Variants in GPC1 observed in about 807,000 individuals in gnomAD.
The protein encoded by GPC1 is glypican 1, also known as glypican-1.
Under a neutral mutation model 51.5 loss-of-function variants are expected in GPC1, and 26 were observed. The ratio of observed to expected loss-of-function variants is 0.50; its 90% CI spans 0.37 to 0.70. The LOEUF (loss-of-function observed/expected upper bound fraction) is 0.70, where lower values mean the gene tolerates loss of function less well. GPC1 is among the 30% of genes least tolerant of loss of function. GPC1 has a pLI of 0.00. For missense variants in GPC1, 775 were observed against 800.5 expected (o/e 0.97, Z 0.38); for synonymous variants, 380 against 348.3 (o/e 1.09, Z -1.01).
chr2:240,450,770 G>T, intron 1 of GPC1: 1 of 470,346 alleles, frequency 2.1e-6, no homozygotes, highest in South Asian at 1.6e-5. Flanking sequence ...ACATCATTTA[G>T]ACGTGTGCCT....
At chr2:240,462,727 C>G (rs1291840599) in intron 3 of GPC1, 145 bp downstream of exon 3, 3 of 680,442 alleles carry the variant, frequency 4.4e-6, no homozygotes, top group African/African-American at 3.6e-5. Context: ...TCAGTCCCTC[C>G]TGCATTGGCT....
intron 1 of GPC1, chr2:240,454,748 C>T (rs2074140669): frequency 6.5e-6 from 1 of 154,300 alleles, no homozygotes; most frequent in Admixed American, 6.5e-5. Context: ...CAGTCTGCAC[C>T]TCCTGTGTGA....
chr2:240,459,631 A>C (rs142350822), intron 2 of GPC1, among the ~76,000 whole-genome samples: 6 of 152,254 alleles, frequency 3.9e-5, no homozygotes, highest in Non-Finnish European at 5.9e-5. Flanking sequence ...GGGGCTGGGG[A>C]CAGGGCTGCA....
At chr2:240,460,211 C>T (rs2074204834) in intron 2 of GPC1, among the ~76,000 whole-genome samples, 1 of 152,088 alleles carries the variant, frequency 6.6e-6, no homozygotes, top group South Asian at 2.1e-4. Flanking sequence ...TCAGAAGCTC[C>T]CTCTCTGTGA....
intron 1 of GPC1, among the ~76,000 whole-genome samples, chr2:240,440,296 C>T (rs1351172085): frequency 6.6e-6 from 1 of 152,208 alleles, no homozygotes; most frequent in Non-Finnish European, 1.5e-5. Context: ...GTCTGGTTAA[C>T]ACATCAGACG....
intron 4 of GPC1, 110 bp from the exon 5 acceptor site, chr2:240,464,506 T>G: frequency 2.8e-6 from 4 of 1,403,824 alleles, no homozygotes; most frequent in Non-Finnish European, 4.0e-6. Flanking sequence ...TGCTGACCCG[T>G]GCTGTCAAGA....
In GPC1 at chr2:240,466,217, C is replaced by T. The variant is rs751446559; in HGVS notation, c.1604C>T (p.Pro535Leu). The T allele has an allele frequency of 2.9e-5, 46 of 1,612,854 alleles. No individual in the cohort carries two copies. Among genetic ancestry groups the T allele is most frequent in the Non-Finnish European group, 3.7e-5 (44 of 1,179,422 alleles). The change falls in exon 9 of 9, where the codon CCC becomes CTC. Residue 535 changes from proline to leucine, a missense_variant. Transcript: ENST00000264039. ...CAGAAGACCTCGGCTGCCAGCTGCC[C>T]CCAGCCCCCGACCTTCCTCCTGCCC... ...EGQKTSAASC[P>L]QPPTFLLPLL...
chr2:240,463,374 G>A lies in GPC1; in HGVS notation c.745G>A (p.Ala249Thr). 2 of 1,612,862 alleles carry A rather than the reference G, an allele frequency of 1.2e-6. No individual in the cohort carries two copies. Among genetic ancestry groups the A allele is most frequent in the South Asian group, 2.2e-5 (2 of 91,084 alleles). Reference protein sequence around the residue: ...QVPLGPECSRAVMKLVYCAHC... With the variant: ...QVPLGPECSRTVMKLVYCAHC... ...CCCCCTGGGCCCGGAGTGCTCGAGA[G>A]CTGTCATGAAGCTGGTCTACTGTGC... The change falls in exon 4 of 9, where the codon GCT becomes ACT. Residue 249 changes from alanine (A) to threonine (T), a missense_variant. By Grantham distance (58) the Ala-to-Thr change is moderately conservative. Transcript: ENST00000264039.
chr2:240,461,215 C>T (rs1559201771), intron 2 of GPC1, among the ~76,000 whole-genome samples: 1 of 152,228 alleles, frequency 6.6e-6, no homozygotes, highest in African/African-American at 2.4e-5. Flanking sequence ...TGGGAGCTCT[C>T]TGTAGCCCTG....
In GPC1 at chr2:240,436,064, T is replaced by C; in HGVS notation, c.146T>C (p.Val49Ala). The C allele has an allele frequency of 7.6e-7, 1 of 1,323,610 alleles. No homozygotes were observed. The highest frequency in any genetic ancestry group is 9.7e-7 in the Non-Finnish European group (1 of 1,034,798). The allele number at this position is 1,323,610 out of a possible 1,614,324, so 82.0% of individuals were successfully genotyped here. Reference sequence around the variant, plus strand: ...GCCAAGGGCTTCAGCCTGAGCGACGTGCCCCAGGCGGAGATCTCGGGTGAG... The same window carrying C: ...GCCAAGGGCTTCAGCCTGAGCGACGCGCCCCAGGCGGAGATCTCGGGTGAG... ...YGAKGFSLSDVPQAEISGEHL... is the reference protein window; with the variant it reads ...YGAKGFSLSDAPQAEISGEHL... Residue 49 changes from valine to alanine, a missense_variant, in exon 1 of 9, where the codon GTG (valine) becomes GCG (alanine). Val to Ala is a moderately conservative substitution (Grantham distance 64). Transcript: ENST00000264039.
At chr2:240,452,942 C>A in intron 1 of GPC1, 1 of 321,924 alleles carries the variant, frequency 3.1e-6, no homozygotes, top group South Asian at 2.2e-5. Context: ...CGGCCCCGCT[C>A]CGCCGCCTTT....
chr2:240,449,672 A>C (rs2074079346), intron 1 of GPC1: 1 of 344,516 alleles, frequency 2.9e-6, no homozygotes, highest in Admixed American at 3.7e-5. Flanking sequence ...TTCATCTTGT[A>C]AAACTGAAAC....
intron 2 of GPC1, 111 bp downstream of exon 2, chr2:240,459,299 G>A: frequency 9.6e-7 from 1 of 1,038,012 alleles, no homozygotes; most frequent in Non-Finnish European, 1.4e-6. Flanking sequence ...ATTGGCAGGA[G>A]GAGGTGGGGG....
At chr2:240,453,779 CGGCGGCT>C (rs1196044466) in intron 1 of GPC1, among the ~76,000 whole-genome samples, 1 of 151,832 alleles carries the variant, frequency 6.6e-6, no homozygotes, top group South Asian at 2.1e-4. Context: ...TCCCTGGCCG[CGGCGGCT>C]GGCGACTGGC....
At chr2:240,446,988 T>C (rs55928262) in intron 1 of GPC1, among the ~76,000 whole-genome samples, 14,020 of 151,930 alleles carry the variant, frequency 0.092, 772 homozygotes, top group Non-Finnish European at 0.12. Flanking sequence ...GGATAAGGGG[T>C]GTCCATCCAC....
intron 8 of GPC1, 130 bp from the exon 9 acceptor site, chr2:240,465,928 C>G: frequency 1.6e-6 from 1 of 642,514 alleles, no homozygotes; most frequent in Non-Finnish European, 2.7e-6. Context: ...CAGCGGGGAT[C>G]AGGTGCTGCT....
At chr2:240,463,198 T>G in intron 3 of GPC1, 149 bp from the exon 4 acceptor site, 3 of 619,760 alleles carry the variant, frequency 4.8e-6, no homozygotes, top group South Asian at 2.1e-5. Context: ...GCCCTGCGAG[T>G]CAGGCAGCGA....
chr2:240,440,450 G>A (rs2074010782), intron 1 of GPC1, among the ~76,000 whole-genome samples: 2 of 152,194 alleles, frequency 1.3e-5, no homozygotes, highest in Admixed American at 1.3e-4. Flanking sequence ...TGCACTTCTT[G>A]GAAGGCTCGT....
intron 2 of GPC1, among the ~76,000 whole-genome samples, chr2:240,460,879 C>T (rs911816524): frequency 1.3e-5 from 2 of 152,126 alleles, no homozygotes; most frequent in Admixed American, 1.3e-4. Context: ...CAGCTGAGGG[C>T]CCCTGGGTCT....
Sources: allele counts gnomAD v4.1 joint callset (sites outside exome capture counted in the v4.1 genomes callset), GRCh38; gene constraint gnomAD v4.1.1; transcripts MANE v1.5; gene names NCBI Gene and HGNC (gene_info 2026-07-23, HGNC 2026-07-21).